The following ADGRV1 variants were observed in gnomAD, a reference collection of about 807,000 sequenced individuals.
ADGRV1 encodes adhesion G protein-coupled receptor V1, also known as G-protein coupled receptor 98.
In ADGRV1, 359 loss-of-function variants were observed where a neutral mutation model predicts 596.2. The observed-to-expected ratio is 0.60, with a 90% CI of 0.55 to 0.66. The LOEUF (loss-of-function observed/expected upper bound fraction) is 0.66. Ranked by LOEUF, ADGRV1 falls within the 30% of genes least tolerant of loss-of-function variation. ADGRV1 has a pLI of 0.00. For missense variants in ADGRV1, 7,274 were observed against 7,575.6 expected, an observed-to-expected ratio of 0.96 and a Z score of 1.48; for synonymous variants, 2,681 against 2,679.2, an observed-to-expected ratio of 1.00 and a Z score of -0.02.
intron 83 of ADGRV1, among the ~76,000 whole-genome samples, chr5:90,886,248 A>G (rs1376078490): frequency 6.6e-6 from 1 of 152,168 alleles, no homozygotes; most frequent in African/African-American, 2.4e-5. Flanking sequence ...AAGATGGTTC[A>G]AAAAATTATA....
At chr5:90,717,605 C>G (rs888658526) in intron 43 of ADGRV1, 2 of 152,162 alleles carry the variant, frequency 1.3e-5, no homozygotes, top group African/African-American at 4.8e-5. Context: ...ATGCCATTCT[C>G]CTGCCTCGGC....
intron 85 of ADGRV1, among the ~76,000 whole-genome samples, chr5:91,029,989 A>G (rs1784341436): frequency 6.6e-6 from 1 of 152,058 alleles, no homozygotes; most frequent in African/African-American, 2.4e-5. Flanking sequence ...TCAAAGAGGG[A>G]TCTACTTTTT....
chr5:90,657,293 G>A (rs1769549866), intron 20 of ADGRV1, among the ~76,000 whole-genome samples: 1 of 151,624 alleles, frequency 6.6e-6, no homozygotes, highest in African/African-American at 2.4e-5. Flanking sequence ...AAAAAAGCCA[G>A]GCCTGGCAGT....
At chr5:90,632,330 G>A (rs1029484121) in intron 9 of ADGRV1, among the ~76,000 whole-genome samples, 3 of 152,156 alleles carry the variant, frequency 2.0e-5, no homozygotes, top group African/African-American at 4.8e-5. Flanking sequence ...TGTGATAGAA[G>A]TTTGAGAATT....
At chr5:90,567,510 T>C (rs1443578592) in intron 1 of ADGRV1, among the ~76,000 whole-genome samples, 1 of 152,138 alleles carries the variant, frequency 6.6e-6, no homozygotes. Context: ...ATATTCAGAT[T>C]TTTAATTTCT....
intron 85 of ADGRV1, among the ~76,000 whole-genome samples, chr5:90,999,973 C>T (rs1369633051): frequency 6.6e-6 from 1 of 151,930 alleles, no homozygotes; most frequent in Non-Finnish European, 1.5e-5. Context: ...CAAGGATCTG[C>T]CTACTCTTTC....
At chr5:90,702,114 C>T (rs1747982957) in intron 34 of ADGRV1, among the ~76,000 whole-genome samples, 1 of 150,892 alleles carries the variant, frequency 6.6e-6, no homozygotes, top group African/African-American at 2.5e-5. Context: ...TTTTGTTTTT[C>T]AATATTCCAA....
chr5:90,875,806 T>C (rs902380175), intron 83 of ADGRV1, among the ~76,000 whole-genome samples: 1 of 152,180 alleles, frequency 6.6e-6, no homozygotes, highest in East Asian at 1.9e-4. Context: ...TCCTAAGTAA[T>C]GTCTGTGTTC....
chr5:90,921,716 A>G (rs1444618889), intron 83 of ADGRV1, among the ~76,000 whole-genome samples: 1 of 152,096 alleles, frequency 6.6e-6, no homozygotes, highest in Non-Finnish European at 1.5e-5. Flanking sequence ...GTAAAAACTA[A>G]GCTGCTGGAA....
intron 85 of ADGRV1, among the ~76,000 whole-genome samples, chr5:90,989,289 A>G (rs1581723056): frequency 6.6e-6 from 1 of 152,184 alleles, no homozygotes; most frequent in Admixed American, 6.5e-5. Flanking sequence ...TCTTCACACT[A>G]TTTCATATTT....
chr5:91,137,511 A>G (rs1355077634), intron 87 of ADGRV1, among the ~76,000 whole-genome samples: 1 of 152,198 alleles, frequency 6.6e-6, no homozygotes, highest in African/African-American at 2.4e-5. Flanking sequence ...CAGGTACCAT[A>G]TATTTTACAT....
chr5:90,686,884 C>T (rs1311857234), intron 29 of ADGRV1, among the ~76,000 whole-genome samples: 5 of 152,286 alleles, frequency 3.3e-5, no homozygotes, highest in South Asian at 4.1e-4. Flanking sequence ...CTGTTGTTTC[C>T]TGACTTTTTA....
intron 9 of ADGRV1, among the ~76,000 whole-genome samples, chr5:90,634,408 A>G (rs1392020965): frequency 6.6e-6 from 1 of 152,228 alleles, no homozygotes; most frequent in Admixed American, 6.5e-5. Flanking sequence ...TTGGGAAGTA[A>G]AAATCTGGAA....
intron 83 of ADGRV1, among the ~76,000 whole-genome samples, chr5:90,951,632 G>T (rs191437794): frequency 1.3e-5 from 2 of 151,872 alleles, no homozygotes; most frequent in African/African-American, 4.8e-5. Flanking sequence ...CTTTTAATGG[G>T]GCTACCAATA....
rs1486220301 is a variant in ADGRV1 at position 90,783,140 on chromosome 5, G to T, written c.13248G>T (p.Gly4416=). 7.4e-6 allele frequency: 12 copies of T among 1,613,270 alleles called. No homozygotes were observed. The highest frequency in any genetic ancestry group is 1.0e-5 in the Non-Finnish European group (12 of 1,179,476). ...CCATTACAGTGGAGGAAGATGTTGG[G>T]CTGATCATGATCCCAGTGGTGAGGC... ...YTAFEVEEDV[G]LIMIPVVRLH... is the part of the protein sequence containing the mutation. Residue 4416 remains glycine, a synonymous_variant, in exon 66 of 90, where the codon GGG becomes GGT. Transcript: ENST00000405460.
At chr5:90,736,376 T>G (rs1753221504) in intron 50 of ADGRV1, among the ~76,000 whole-genome samples, 1 of 152,058 alleles carries the variant, frequency 6.6e-6, no homozygotes, top group Non-Finnish European at 1.5e-5. Flanking sequence ...CAATTTGCTA[T>G]TGTCTTACTA....
intron 83 of ADGRV1, among the ~76,000 whole-genome samples, chr5:90,897,217 A>T (rs1403586235): frequency 6.6e-6 from 1 of 152,226 alleles, no homozygotes; most frequent in Non-Finnish European, 1.5e-5. Flanking sequence ...TATAAATATT[A>T]TGTAAAGTTT....
At chr5:90,687,482 C>T (rs1176544903) in intron 29 of ADGRV1, among the ~76,000 whole-genome samples, 1 of 152,088 alleles carries the variant, frequency 6.6e-6, no homozygotes, top group Non-Finnish European at 1.5e-5. Flanking sequence ...CCTTTGAAAA[C>T]TGGCACAAGA....
intron 85 of ADGRV1, among the ~76,000 whole-genome samples, chr5:91,003,953 T>TA (rs1782052600): frequency 6.6e-6 from 1 of 152,096 alleles, no homozygotes; most frequent in African/African-American, 2.4e-5. Flanking sequence ...TGAGGCTTGC[T>TA]AAAAAATGAT....
Sources: gnomAD v4.1 joint callset for allele counts (sites outside exome capture counted in the v4.1 genomes callset) on GRCh38, gnomAD v4.1.1 for gene constraint, MANE v1.5 for transcripts, NCBI Gene and HGNC (gene_info 2026-07-23, HGNC 2026-07-21) for gene names.